Variants in RPRD2 observed in about 807,000 individuals in gnomAD.
RPRD2 encodes regulation of nuclear pre-mRNA domain containing 2, also known as regulation of nuclear pre-mRNA domain-containing protein 2.
A neutral mutation model predicts 104.4 loss-of-function variants in RPRD2; 12 were observed. The ratio of observed to expected loss-of-function variants is 0.11; its 90% CI spans 0.07 to 0.19. The LOEUF is 0.19. RPRD2 is among the 10% of genes least tolerant of loss of function. The pLI is 1.00. For synonymous variants in RPRD2, 714 were observed against 684.9 expected (o/e 1.04, Z -0.66); for missense variants, 1,543 against 1,790.1 (o/e 0.86, Z 2.49).
intron 2 of RPRD2, among the ~76,000 whole-genome samples, chr1:150,431,661 A>G (rs1031455883): frequency 8.5e-6 from 1 of 117,866 alleles, no homozygotes; most frequent in East Asian, 2.1e-4. Context: ...TTGTATTTTT[A>G]GTAGAGACAG....
At chr1:150,421,500 G>A (rs753388775) in intron 2 of RPRD2, among the ~76,000 whole-genome samples, 39 of 152,040 alleles carry the variant, frequency 2.6e-4, no homozygotes, top group Non-Finnish European at 3.5e-4. Flanking sequence ...CCTGTGGAAG[G>A]ATAAATATCC....
chr1:150,456,201 T>G (rs1439969558), intron 7 of RPRD2, among the ~76,000 whole-genome samples: 2 of 152,046 alleles, frequency 1.3e-5, no homozygotes, highest in African/African-American at 4.8e-5. Context: ...TTTTTTTTTC[T>G]TGTCTGTCTC....
intron 1 of RPRD2, 31 bp downstream of exon 1, chr1:150,364,950 G>T: frequency 6.2e-7 from 1 of 1,608,308 alleles, no homozygotes; most frequent in South Asian, 1.1e-5. Context: ...GGGAAGGGAA[G>T]ACTGGGGAAA....
chr1:150,368,225 A>T (rs72696842), intron 1 of RPRD2, among the ~76,000 whole-genome samples: 2,553 of 70,318 alleles, frequency 0.036, 100 homozygotes, highest in African/African-American at 0.13. Context: ...TTTTTTTTTT[A>T]ATACGGAGTC....
chr1:150,443,343 T>C (rs1188402863), intron 5 of RPRD2, 60 bp downstream of exon 5: 1 of 1,168,028 alleles, frequency 8.6e-7, no homozygotes, highest in Non-Finnish European at 1.2e-6. Context: ...GTATTATAGT[T>C]TCCTGTATAG....
At chr1:150,372,520 C>CACACACACACACAA (rs1553878645) in intron 1 of RPRD2, among the ~76,000 whole-genome samples, 1 of 151,600 alleles carries the variant, frequency 6.6e-6, no homozygotes. Flanking sequence ...CACACACACA[C>CACACACACACACAA]AAAGACAGCA....
chr1:150,410,166 G>A (rs1663794881), intron 1 of RPRD2, among the ~76,000 whole-genome samples: 1 of 152,180 alleles, frequency 6.6e-6, no homozygotes. Flanking sequence ...GGAATCAGTG[G>A]TGATGAAGAA....
Position 150,417,668 on chromosome 1 carries a change from C to A in RPRD2, c.278C>A (p.Ala93Glu). The change falls in exon 2 of 11, where the codon GCA becomes GAA. Residue 93 changes from alanine to glutamate, a missense_variant. By Grantham distance (107) the Ala-to-Glu change is moderately radical (BLOSUM62 -1). This residue lies in a region of RPRD2 where 572 missense variants were observed against 787.3 expected (regional missense o/e 0.73). Coordinates refer to ENST00000369068, the MANE Select transcript of RPRD2 (RefSeq NM_015203.5). ...ATACAGAACTGTAAAAGGAAAAATG[C>A]AATCATATTCCGTGAATCATTTGCT... ...DVIQNCKRKNAIIFRESFADV... is the reference protein window; with the variant it reads ...DVIQNCKRKNEIIFRESFADV... The A allele has an allele frequency of 6.2e-7, 1 of 1,608,730 alleles. No homozygotes were observed. The highest frequency in any genetic ancestry group is 8.5e-7 in the Non-Finnish European group (1 of 1,176,428).
intron 10 of RPRD2, among the ~76,000 whole-genome samples, chr1:150,465,058 G>A (rs587766523): frequency 1.3e-5 from 2 of 152,060 alleles, no homozygotes; most frequent in South Asian, 4.2e-4. Flanking sequence ...TAGTAGAGAT[G>A]GGGTTTCTCC....
intron 1 of RPRD2, among the ~76,000 whole-genome samples, chr1:150,392,141 GCAC>G (rs1193389050): frequency 6.6e-6 from 1 of 151,596 alleles, no homozygotes; most frequent in Non-Finnish European, 1.5e-5. Context: ...AGCCAGGATC[GCAC>G]CACTACACTC....
At chr1:150,430,896 C>T (rs1553891533) in intron 2 of RPRD2, among the ~76,000 whole-genome samples, 2 of 151,422 alleles carry the variant, frequency 1.3e-5, no homozygotes, top group Non-Finnish European at 2.9e-5. Context: ...CGTTGCACTC[C>T]AGCTTGGCCA....
At chr1:150,378,124 G>A (rs1660859132) in intron 1 of RPRD2, among the ~76,000 whole-genome samples, 1 of 152,040 alleles carries the variant, frequency 6.6e-6, no homozygotes, top group South Asian at 2.1e-4. Flanking sequence ...TATATTTCCA[G>A]TCATTAATGT....
Position 150,471,908 on chromosome 1 carries a change from A to G in RPRD2, c.2960A>G (p.His987Arg). ...PQNTLAAPTG[H>R]PPTSGVEKVL... ...AACACCCTTGCCGCTCCCACGGGTC[A>G]CCCACCCACGTCAGGCGTGGAGAAA... The change falls in exon 11 of 11, where the codon CAC (histidine) becomes CGC (arginine). Residue 987 changes from histidine (H) to arginine (R), a missense_variant. Around this residue, in one of 4 missense-constraint regions of RPRD2, gnomAD observed 880 missense variants for 885.6 expected, o/e 0.99. Coordinates refer to ENST00000369068, the MANE Select transcript of RPRD2 (RefSeq NM_015203.5). The surrounding 1 kb of genome is among the most constrained non-coding windows in gnomAD (Gnocchi z 5.3). 6.2e-7 allele frequency: 1 copy of G among 1,613,828 alleles called. No homozygotes were observed. The highest frequency in any genetic ancestry group is 8.5e-7 in the Non-Finnish European group (1 of 1,179,864).
chr1:150,428,102 G>T (rs1553890881), intron 2 of RPRD2, among the ~76,000 whole-genome samples: 1 of 152,096 alleles, frequency 6.6e-6, no homozygotes, highest in African/African-American at 2.4e-5. Context: ...ATTTGTCGTA[G>T]ACTAAGTTAT....
chr1:150,434,920 T>C (rs1312442764), intron 2 of RPRD2, among the ~76,000 whole-genome samples: 2 of 152,218 alleles, frequency 1.3e-5, no homozygotes, highest in African/African-American at 4.8e-5. Flanking sequence ...ATTTTTTTTG[T>C]GTGAAGAGAG....
chr1:150,437,771 G>T (rs1553893477), intron 2 of RPRD2, among the ~76,000 whole-genome samples: 2 of 151,662 alleles, frequency 1.3e-5, no homozygotes, highest in African/African-American at 4.8e-5. Context: ...GCAGAGATGG[G>T]GTTTCGCCAC....
At chr1:150,419,080 A>G (rs1287969569) in intron 2 of RPRD2, among the ~76,000 whole-genome samples, 2 of 152,226 alleles carry the variant, frequency 1.3e-5, no homozygotes, top group African/African-American at 4.8e-5. Context: ...TTGAATGCCT[A>G]TTGAACATCC....
chr1:150,388,183 G>A (rs1445478130), intron 1 of RPRD2, among the ~76,000 whole-genome samples: 1 of 151,772 alleles, frequency 6.6e-6, no homozygotes, highest in African/African-American at 2.4e-5. Context: ...CTCATATAGT[G>A]CTGGGATTAT....
At position 150,457,438 on chromosome 1, in the gene RPRD2, A is replaced by T; in HGVS notation, c.1021A>T (p.Met341Leu). The T allele has an allele frequency of 1.2e-6, 2 of 1,613,834 alleles. No individual in the cohort carries two copies. The highest frequency in any genetic ancestry group is 1.1e-5 in the South Asian group (1 of 91,076). Residue 341 changes from methionine (M) to leucine (L), a missense_variant, in exon 8 of 11, where the codon ATG becomes TTG. Physicochemically the swap from Met to Leu is conservative, Grantham distance 15. Around this residue, in one of 4 missense-constraint regions of RPRD2, gnomAD observed 572 missense variants for 787.3 expected, o/e 0.73. Coordinates refer to ENST00000369068, the MANE Select transcript of RPRD2 (RefSeq NM_015203.5). ...PTGSESPFQG[M>L]GGEESQSPTM... ...TGGTTCTGAGTCTCCTTTTCAGGGA[A>T]TGGGAGGTGAGGAATCCCAGTCACC...
Sources: allele counts gnomAD v4.1 joint callset (sites outside exome capture counted in the v4.1 genomes callset), GRCh38; gene constraint gnomAD v4.1.1; regional missense constraint gnomAD v4.1.1; non-coding constraint Gnocchi (gnomAD v3.1); transcripts MANE v1.5; gene names NCBI Gene and HGNC (gene_info 2026-07-23, HGNC 2026-07-21).